The following GSN variants were observed in gnomAD, a reference collection of about 807,000 sequenced individuals.
GSN encodes the protein actin-depolymerizing factor.
In GSN, 56 loss-of-function variants were observed where a neutral mutation model predicts 85.7. That is an observed-to-expected ratio of 0.65 (90% CI 0.53 to 0.82). The LOEUF is 0.82. GSN is among the 40% of genes least tolerant of loss of function. The pLI is 0.00. For synonymous variants in GSN, 373 were observed against 399.1 expected (o/e 0.93, Z 0.78); for missense variants, 857 against 979.8 (o/e 0.87, Z 1.67).
At chr9:121,237,083 A>G (rs2054510107) in intron 5 of GSN, among the ~76,000 whole-genome samples, 1 of 152,250 alleles carries the variant, frequency 6.6e-6, no homozygotes, top group South Asian at 2.1e-4. Context: ...AAAGGTCACC[A>G]AAGACAAGGC....
intron 4 of GSN, among the ~76,000 whole-genome samples, chr9:121,221,901 A>T (rs1411357000): frequency 6.6e-6 from 1 of 152,176 alleles, no homozygotes; most frequent in Non-Finnish European, 1.5e-5. Context: ...GTTATGTCAG[A>T]AAAAACAGGT....
intron 5 of GSN, 64 bp downstream of exon 5, chr9:121,310,909 G>A (rs1295101891): frequency 6.7e-7 from 1 of 1,484,634 alleles, no homozygotes; most frequent in African/African-American, 1.4e-5. Context: ...CAGGGACTTG[G>A]GTACATCCAC....
chr9:121,329,298 C>T lies in GSN; in HGVS notation c.1948C>T (p.Leu650=). The change falls in exon 16 of 18, where the codon CTG becomes TTG. Residue 650 remains leucine (L), a synonymous_variant. Transcript: ENST00000432226. The surrounding 1 kb of genome is among the most constrained non-coding windows in gnomAD (Gnocchi z 4.6). ...EDLATDDVML[L]DTWDQVFVWV... ...CCTGGCAACGGATGACGTCATGCTT[C>T]TGGACACCTGGGACCAGGTGGGTGA... is the stretch of plus-strand genomic sequence containing the variant. The T allele has an allele frequency of 6.2e-7, 1 of 1,605,098 alleles. No individual in the cohort carries two copies. The highest frequency in any genetic ancestry group is 2.2e-5 in the East Asian group (1 of 44,834).
chr9:121,286,554 C>T (rs1463793605), intron 2 of GSN: 5 of 1,441,330 alleles, frequency 3.5e-6, no homozygotes, highest in African/African-American at 1.4e-5. Flanking sequence ...AATGCCCCTC[C>T]TCCGTGGCTC....
In GSN at chr9:121,261,913, GTGTCC is replaced by G. The variant is rs1174574335; in HGVS notation, c.-340-3234_-340-3230del. 1.3e-5 allele frequency among the ~76,000 whole-genome samples: 2 copies of G among 152,194 alleles called. No homozygotes were observed. Among genetic ancestry groups the G allele is most frequent in the Admixed American group, 6.5e-5 (1 of 15,282 alleles). On this transcript the variant is annotated intron_variant, in intron 6 of 24. Coordinates refer to the GSN transcript ENST00000373823. The surrounding 1 kb of genome is among the most constrained non-coding windows in gnomAD (Gnocchi z 4.1). ...GCTCAGAGAGGTTGAGTAACTCAGG[GTGTCC>G]TGTCCTTCAAGGCCTCTGAGTACAA...
At chr9:121,275,815 G>T (rs560580124) in intron 1 of GSN, among the ~76,000 whole-genome samples, 3 of 152,264 alleles carry the variant, frequency 2.0e-5, no homozygotes, top group East Asian at 3.9e-4. Context: ...ATGCACTAAG[G>T]CTTCATCTTT....
At chr9:121,236,256 G>A (rs2132173335) in intron 5 of GSN, among the ~76,000 whole-genome samples, 1 of 152,198 alleles carries the variant, frequency 6.6e-6, no homozygotes, top group East Asian at 1.9e-4. Flanking sequence ...GTCTTGCTGT[G>A]TTGCCTAGGC....
At chr9:121,307,038 G>A (rs768597192) in intron 4 of GSN, among the ~76,000 whole-genome samples, 66 of 152,140 alleles carry the variant, frequency 4.3e-4, no homozygotes, top group Non-Finnish European at 8.8e-4. Context: ...AAAATTAGCC[G>A]GGCGTGGTGG....
At chr9:121,327,558 G>T in intron 14 of GSN, 76 bp downstream of exon 14, 2 of 1,269,992 alleles carry the variant, frequency 1.6e-6, no homozygotes, top group Non-Finnish European at 2.2e-6. Flanking sequence ...TTCAGCTTGG[G>T]GGCTCTAAAT....
chr9:121,205,137 A>C (rs550213163), upstream of GSN, among the ~76,000 whole-genome samples: 75 of 134,306 alleles, frequency 5.6e-4, no homozygotes, highest in African/African-American at 1.9e-3. Context: ...TCAGCTCTTG[A>C]CCAACTTCTA....
chr9:121,327,197 C>G (rs2063310639), intron 13 of GSN, 111 bp from the exon 14 acceptor site: 1 of 903,854 alleles, frequency 1.1e-6, no homozygotes, highest in African/African-American at 1.6e-5. Context: ...GGGCTGTGTT[C>G]CTCCAAGTCC....
At chr9:121,213,135 C>T (rs756139981) in intron 4 of GSN, among the ~76,000 whole-genome samples, 6 of 152,138 alleles carry the variant, frequency 3.9e-5, no homozygotes, top group African/African-American at 9.7e-5. Flanking sequence ...GTTCACTGCT[C>T]GATACCCGGC....
chr9:121,322,237 T>C (rs556018874), intron 11 of GSN, among the ~76,000 whole-genome samples: 2 of 152,130 alleles, frequency 1.3e-5, no homozygotes, highest in Non-Finnish European at 2.9e-5. Context: ...AAAATACATA[T>C]GCAAATAATT....
intron 6 of GSN, among the ~76,000 whole-genome samples, chr9:121,255,869 T>C (rs2054946773): frequency 6.6e-6 from 1 of 152,194 alleles, no homozygotes. Context: ...TCATAGAGAA[T>C]AGCGGTTCCA....
In GSN at chr9:121,276,477, G is replaced by C. The variant is rs184892361; in HGVS notation, c.-102-4993G>C. Reference sequence around the variant, plus strand: ...TCCTCACAAAGGACCGAATGACTTGGCTCTGTGATCCCATCCCCCAGAGAC... The same window carrying C: ...TCCTCACAAAGGACCGAATGACTTGCCTCTGTGATCCCATCCCCCAGAGAC... On this transcript the variant is annotated intron_variant, in intron 1 of 17. Coordinates refer to ENST00000432226, the MANE Select transcript of GSN (RefSeq NM_198252.3). Among the ~76,000 whole-genome samples, 16 of 152,308 alleles carry C rather than the reference G, an allele frequency of 1.1e-4. No homozygotes were observed. In the East Asian group the frequency reaches 3.1e-3, roughly 29 times the overall value.
At chr9:121,256,206 A>G (rs528961093) in intron 6 of GSN, among the ~76,000 whole-genome samples, 10 of 152,300 alleles carry the variant, frequency 6.6e-5, no homozygotes, top group Admixed American at 2.0e-4. Flanking sequence ...TGGGAGTTTA[A>G]TCTGTTTAAT....
upstream of GSN, among the ~76,000 whole-genome samples, chr9:121,204,481 G>A (rs553316894): frequency 9.9e-5 from 15 of 152,244 alleles, no homozygotes; most frequent in African/African-American, 3.4e-4. Context: ...CACATGCTAA[G>A]GAATGCAATT....
At chr9:121,300,098 C>A in intron 2 of GSN, 1 of 1,611,352 alleles carries the variant, frequency 6.2e-7, no homozygotes, top group Non-Finnish European at 8.5e-7. Flanking sequence ...TAATTCAGGT[C>A]TAGAATGGAA....
chr9:121,296,186 G>A (rs2059203444), intron 2 of GSN, among the ~76,000 whole-genome samples: 2 of 152,240 alleles, frequency 1.3e-5, no homozygotes, highest in African/African-American at 4.8e-5. Flanking sequence ...GCCCAGGTCA[G>A]GTGGTGCTAG....
Sources: gnomAD v4.1 joint callset for allele counts (sites outside exome capture counted in the v4.1 genomes callset) on GRCh38, gnomAD v4.1.1 for gene constraint, Gnocchi (gnomAD v3.1) non-coding constraint, MANE v1.5 for transcripts, NCBI Gene and HGNC (gene_info 2026-07-23, HGNC 2026-07-21) for gene names.